PUF60: variants seen among roughly 807,000 people sequenced by gnomAD.
PUF60 encodes the protein poly(U)-binding-splicing factor PUF60.
A neutral mutation model predicts 61.8 loss-of-function variants in PUF60; 10 were observed. That is an observed-to-expected ratio of 0.16 (90% CI 0.10 to 0.27). The LOEUF is 0.27. Among genes scored for constraint, PUF60 ranks in the 10% least tolerant of loss-of-function variants. The pLI is 1.00. For synonymous variants in PUF60, 353 were observed against 300.9 expected, an observed-to-expected ratio of 1.17 and a Z score of -1.79; for missense variants, 371 against 754.0, an observed-to-expected ratio of 0.49 and a Z score of 5.95.
In PUF60 at chr8:143,816,682, C is replaced by T. The variant is rs530990817; in HGVS notation, c.1518G>A (p.Glu506=). The stretch of plus-strand genomic sequence containing the variant: ...TCTTGACAATGATTTCTGCATCCTC[C>T]TCCTCGCCTTGTTTCTCTTGGTAGA... ...VIIYQEKQGE[E]EDAEIIVKIF... is the part of the protein sequence containing the mutation. The change falls in exon 12 of 12, where the codon GAG becomes GAA. Residue 506 remains glutamate (E), a synonymous_variant. Transcript: ENST00000526683. 265 of 1,613,942 alleles carry T rather than the reference C, an allele frequency of 1.6e-4. No individual in the cohort carries two copies. In the South Asian group the frequency reaches 2.5e-3, roughly 15 times the overall value.
chr8:143,822,751 G>A (rs992305361), intron 2 of PUF60: 9 of 356,170 alleles, frequency 2.5e-5, no homozygotes, highest in Middle Eastern at 9.8e-4. Flanking sequence ...AGGGAAGAAC[G>A]CAGCTGTGTG....
Position 143,829,209 on chromosome 8 carries a change from C to T in PUF60, c.24+71G>A, listed in dbSNP as rs1023330749. ...CGCCGCGTTCTTGGGAGGCCCTCCG[C>T]GCCCAGGCTGGGTCGACGACCCGGC... is the stretch of plus-strand genomic sequence containing the variant. On this transcript the variant is annotated intron_variant, in intron 1 of 11. Coordinates refer to ENST00000526683, the MANE Select transcript of PUF60 (RefSeq NM_078480.3). 3 of 1,233,254 alleles carry T rather than the reference C, an allele frequency of 2.4e-6. No individual in the cohort carries two copies. The African/African-American group carries it at 4.7e-5, about 19-fold the overall frequency. The allele number at this position is 1,233,254 out of a possible 1,614,324, so 76.4% of individuals were successfully genotyped here. A position where few individuals can be genotyped will look rare whatever the true frequency, so the allele number is the denominator to read the frequency against.
At chr8:143,826,648 G>A (rs1817668728) in intron 1 of PUF60, among the ~76,000 whole-genome samples, 1 of 152,218 alleles carries the variant, frequency 6.6e-6, no homozygotes, top group African/African-American at 2.4e-5. Context: ...GAACCCAGGA[G>A]GCAGAGGTTG....
intron 4 of PUF60, 76 bp downstream of exon 4, chr8:143,821,521 G>A (rs761695162): frequency 3.8e-6 from 5 of 1,307,032 alleles, no homozygotes; most frequent in Non-Finnish European, 5.3e-6. Flanking sequence ...CGCAGGCCCA[G>A]GAGGAGGAAG....
Position 143,817,026 on chromosome 8 carries a change from C to T in PUF60, c.1264G>A (p.Glu422Lys). ...LLEPKKEKEEEELFPESERPE... is the reference protein window; with the variant it reads ...LLEPKKEKEEKELFPESERPE... The stretch of plus-strand genomic sequence containing the variant: ...CGCTCTGACTCGGGAAACAGCTCCT[C>T]TTCTTCCTTCTCCTTCTTGGGCTCC... Residue 422 changes from glutamate (E) to lysine (K), a missense_variant, in exon 11 of 12, where the codon GAG (glutamate) becomes AAG (lysine). Glu to Lys is a moderately conservative substitution (Grantham distance 56). This residue lies in a region of PUF60 where 68 missense variants were observed against 69.4 expected (regional missense o/e 0.98). Coordinates refer to ENST00000526683, the MANE Select transcript of PUF60 (RefSeq NM_078480.3). This position sits in a 1 kb window ranked among gnomAD's most constrained non-coding sequence, Gnocchi z 7.4. 2 of 1,610,304 alleles carry T rather than the reference C, an allele frequency of 1.2e-6. No individual in the cohort carries two copies. Among genetic ancestry groups the T allele is most frequent in the Non-Finnish European group, 1.7e-6 (2 of 1,178,576 alleles).
rs1816677361 is a variant in PUF60 at position 143,818,751 on chromosome 8, G to A, written c.349-217C>T. On this transcript the variant is annotated intron_variant, in intron 5 of 11. Transcript: ENST00000526683. The surrounding 1 kb of genome is among the most constrained non-coding windows in gnomAD (Gnocchi z 7.9). ...GCCAGGCCCAGCGGCAGGACAGGAC[G>A]CACCCCAGCCCGCCAAGGTCCCAGG... is the stretch of plus-strand genomic sequence containing the variant. 20 of 588,604 alleles carry A rather than the reference G, an allele frequency of 3.4e-5. No homozygotes were observed. Among genetic ancestry groups the A allele is most frequent in the Non-Finnish European group, 1.5e-5 (5 of 338,050 alleles). The allele number at this position is 588,604 out of a possible 1,614,324, so 36.5% of individuals were successfully genotyped here.
At chr8:143,824,470 G>A in intron 1 of PUF60, 71 bp from the exon 2 acceptor site, 1 of 1,505,436 alleles carries the variant, frequency 6.6e-7, no homozygotes, top group Non-Finnish European at 9.1e-7. Flanking sequence ...CTCCTCCCGA[G>A]CTAAGGGCTG....
chr8:143,824,265 G>T, intron 2 of PUF60, 48 bp downstream of exon 2: 2 of 1,466,240 alleles, frequency 1.4e-6, no homozygotes, highest in Non-Finnish European at 1.8e-6. Flanking sequence ...CGGGCGGGCG[G>T]GCGGGCAGGC....
intron 4 of PUF60, 89 bp downstream of exon 4, chr8:143,821,508 G>A (rs541297771): frequency 4.4e-5 from 53 of 1,209,650 alleles, no homozygotes; most frequent in African/African-American, 3.0e-4. Context: ...TTGCGGGGAC[G>A]GCCGCAGGCC....
chr8:143,823,891 A>G (rs763969607), intron 2 of PUF60, among the ~76,000 whole-genome samples: 12 of 152,260 alleles, frequency 7.9e-5, no homozygotes, highest in Non-Finnish European at 1.6e-4. Context: ...TCACTGTTTT[A>G]TTTAAATGAA....
chr8:143,824,245 C>CACAG (rs957301824), intron 2 of PUF60, 68 bp downstream of exon 2: 1 of 1,469,758 alleles, frequency 6.8e-7, no homozygotes, highest in African/African-American at 1.4e-5. Flanking sequence ...CCCAGGGACG[C>CACAG]ACAGGCAGGC....
In PUF60 at chr8:143,828,358, G is replaced by A. The variant is rs141699412; in HGVS notation, c.24+922C>T. Reference sequence around the variant, plus strand: ...GTGTGGGCTGGGGGAAGGGTGACAAGTAATACAGGGGTAAACTGCGGCTGA... The same window carrying A: ...GTGTGGGCTGGGGGAAGGGTGACAAATAATACAGGGGTAAACTGCGGCTGA... On this transcript the variant is annotated intron_variant, in intron 1 of 11. Coordinates refer to ENST00000526683, the MANE Select transcript of PUF60 (RefSeq NM_078480.3). Among the ~76,000 whole-genome samples, 913 of 152,346 alleles carry A rather than the reference G, an allele frequency of 6.0e-3. 7 individuals carry two copies. The highest frequency in any genetic ancestry group is 0.011 in the South Asian group (52 of 4,828).
chr8:143,822,281 T>C (rs900319366), intron 2 of PUF60, among the ~76,000 whole-genome samples: 2 of 152,040 alleles, frequency 1.3e-5, no homozygotes, highest in African/African-American at 2.4e-5. Context: ...GCCTCAGCCG[T>C]CCTCCAAGGC....
chr8:143,825,169 G>A (rs752209371), intron 1 of PUF60: 22 of 152,340 alleles, frequency 1.4e-4, no homozygotes, highest in African/African-American at 4.6e-4. Flanking sequence ...TGCACAACGA[G>A]AAGCAAGGCA....
At chr8:143,819,047 G>A (rs535577443) in intron 5 of PUF60, 5 of 155,534 alleles carry the variant, frequency 3.2e-5, no homozygotes, top group African/African-American at 1.2e-4. Context: ...GAGCCAGATG[G>A]GGGCTCCCTG....
In PUF60 at chr8:143,818,858, G is replaced by A; in HGVS notation, c.349-324C>T. 2.7e-6 allele frequency: 1 copy of A among 367,094 alleles called. No individual in the cohort carries two copies. The highest frequency in any genetic ancestry group is 4.9e-6 in the Non-Finnish European group (1 of 202,480). 22.7% of individuals were successfully genotyped at this position (367,094 alleles called of 1,614,324 possible). ...ACCCAGACCACCCCTCCAGTCTGGG[G>A]GCTGGGTATCCCAGGCTGGGCTGGG... On this transcript the variant is annotated intron_variant, in intron 5 of 11. Coordinates refer to ENST00000526683, the MANE Select transcript of PUF60 (RefSeq NM_078480.3). The surrounding 1 kb of genome is among the most constrained non-coding windows in gnomAD (Gnocchi z 7.9).
Position 143,816,392 on chromosome 8 carries a change from A to T in PUF60, c.*128T>A. ...CACACGGACGTTCAGGGCCAGCAGCATCCGCACCTTTATCCGCACTGTAGG... is the reference window on the plus strand; with the variant it reads ...CACACGGACGTTCAGGGCCAGCAGCTTCCGCACCTTTATCCGCACTGTAGG... On this transcript the variant is annotated 3_prime_UTR_variant, in exon 12 of 12. Coordinates refer to ENST00000526683, the MANE Select transcript of PUF60 (RefSeq NM_078480.3). 9.3e-7 allele frequency: 1 copy of T among 1,069,536 alleles called. No individual in the cohort carries two copies. Among genetic ancestry groups the T allele is most frequent in the Non-Finnish European group, 1.3e-6 (1 of 760,806 alleles). The allele number at this position is 1,069,536 out of a possible 1,614,324, so 66.3% of individuals were successfully genotyped here. A position where few individuals can be genotyped will look rare whatever the true frequency, so the allele number is the denominator to read the frequency against.
rs1816443948 is a variant in PUF60 at position 143,817,244 on chromosome 8, A to T, written c.1144+87T>A. 5.2e-6 allele frequency: 8 copies of T among 1,526,934 alleles called. No homozygotes were observed. In the East Asian group the frequency reaches 1.8e-4, roughly 35 times the overall value. 94.6% of individuals were successfully genotyped at this position (1,526,934 alleles called of 1,614,324 possible). ...GCCCTGGGCTCAGAGGGTTGTGCCCAGACCACCAGGGCCAGGCAGCTGAGG... is the reference window on the plus strand; with the variant it reads ...GCCCTGGGCTCAGAGGGTTGTGCCCTGACCACCAGGGCCAGGCAGCTGAGG... On this transcript the variant is annotated intron_variant, in intron 10 of 11. Coordinates refer to ENST00000526683, the MANE Select transcript of PUF60 (RefSeq NM_078480.3). The surrounding 1 kb of genome is among the most constrained non-coding windows in gnomAD (Gnocchi z 7.4).
rs986631659 is a variant in PUF60, at chr8:143,824,646, T to C, written c.25-247A>G. 3.2e-4 allele frequency among the ~76,000 whole-genome samples: 49 copies of C among 152,272 alleles called. 1 individual carries two copies. Among genetic ancestry groups the C allele is most frequent in the South Asian group, 2.1e-4 (1 of 4,828 alleles). ...GGCTGCCAGCGAGTCCCAGCGGGGA[T>C]GGGGAGGAGGGTAGAGAGAGCTGTG... On this transcript the variant is annotated intron_variant, in intron 1 of 11. Coordinates refer to ENST00000526683, the MANE Select transcript of PUF60 (RefSeq NM_078480.3).
Sources: gnomAD v4.1 joint callset for allele counts (sites outside exome capture counted in the v4.1 genomes callset) on GRCh38, gnomAD v4.1.1 for gene constraint, gnomAD v4.1.1 regional missense constraint, Gnocchi (gnomAD v3.1) non-coding constraint, MANE v1.5 for transcripts, NCBI Gene and HGNC (gene_info 2026-07-23, HGNC 2026-07-21) for gene names.